SOD2: variants seen among roughly 807,000 people sequenced by gnomAD.
The protein encoded by SOD2 is superoxide dismutase 2, also known as superoxide dismutase [Mn], mitochondrial.
In SOD2, 11 loss-of-function variants were observed where a neutral mutation model predicts 27.0. The observed-to-expected ratio is 0.41, with a 90% CI of 0.26 to 0.67. SOD2 has a LOEUF of 0.67. Ranked by LOEUF, SOD2 falls within the 30% of genes least tolerant of loss-of-function variation. The pLI, the probability that SOD2 is intolerant of heterozygous loss-of-function variation, is 0.34. For missense variants in SOD2, 250 were observed against 274.5 expected (o/e 0.91, Z 0.63); for synonymous variants, 105 against 103.0 (o/e 1.02, Z -0.12).
At chr6:159,689,247 GAC>G (rs1780336030) in intron 2 of SOD2, among the ~76,000 whole-genome samples, 1 of 152,162 alleles carries the variant, frequency 6.6e-6, no homozygotes, top group South Asian at 2.1e-4. Context: ...TCTTCCCCAA[GAC>G]AGTCTCATGC....
At chr6:159,736,785 CCT>C (rs988447686) in intron 1 of SOD2, 23 of 153,390 alleles carry the variant, frequency 1.5e-4, no homozygotes, top group South Asian at 4.1e-4. Flanking sequence ...CAAATCTCCC[CCT>C]GTTGTGCATT....
chr6:159,683,768 G>A (rs909966806), intron 4 of SOD2, among the ~76,000 whole-genome samples: 3 of 152,048 alleles, frequency 2.0e-5, no homozygotes, highest in African/African-American at 4.8e-5. Flanking sequence ...TCTACAGATC[G>A]GTGCTTACAA....
exon 1 of SOD2, chr6:159,761,546 G>T (rs1355849926): frequency 8.8e-6 from 4 of 456,354 alleles, no homozygotes; most frequent in Non-Finnish European, 1.8e-5. Context: ...CGAAGCCGCC[G>T]AGAGCAAAAG....
intron 1 of SOD2, among the ~76,000 whole-genome samples, chr6:159,734,337 A>G (rs1778773440): frequency 6.6e-6 from 1 of 151,062 alleles, no homozygotes; most frequent in Non-Finnish European, 1.5e-5. Context: ...AGATGATGCC[A>G]CAGCACTCCA....
exon 1 of SOD2, chr6:159,761,140 A>G (rs1780115558): frequency 6.2e-6 from 1 of 160,326 alleles, no homozygotes; most frequent in Non-Finnish European, 1.4e-5. Context: ...CTTCAGGAAG[A>G]TTCTCCAGGT....
rs994956221 is a variant in SOD2 at position 159,681,072 on chromosome 6, A to G, written c.*1421T>C. ...ACAAATGAAATATTCAAAAACAGTA[A>G]ATTAGGCAGATGATGAAACAACATG... On this transcript the variant is annotated 3_prime_UTR_variant, in exon 5 of 5. Coordinates refer to ENST00000538183, the MANE Select transcript of SOD2 (RefSeq NM_000636.4). The G allele has an allele frequency of 2.0e-5, 3 of 152,234 alleles. No homozygotes were observed. The highest frequency in any genetic ancestry group is 2.9e-5 in the Non-Finnish European group (2 of 68,052). The allele number at this position is 152,234 out of a possible 1,614,324, so 9.4% of individuals were successfully genotyped here.
intron 3 of SOD2, among the ~76,000 whole-genome samples, chr6:159,685,748 G>A (rs1408923294): frequency 2.0e-5 from 3 of 151,574 alleles, no homozygotes; most frequent in Admixed American, 2.0e-4. Context: ...AGTACTCCAT[G>A]TTTAGCTTCC....
chr6:159,684,260 T>A (rs1562417940), intron 4 of SOD2, among the ~76,000 whole-genome samples: 4 of 152,140 alleles, frequency 2.6e-5, no homozygotes, highest in Non-Finnish European at 5.9e-5. Flanking sequence ...ATTTTTTTTT[T>A]ATTTTAGTAC....
intron 1 of SOD2, chr6:159,712,871 T>C (rs1777855166): frequency 1.6e-6 from 1 of 636,686 alleles, no homozygotes; most frequent in Admixed American, 2.0e-5. Context: ...CAAGAAAAGT[T>C]CTACATAGGT....
upstream of SOD2, chr6:159,748,417 A>G (rs368579812): frequency 4.0e-4 from 638 of 1,602,554 alleles, 1 homozygote; most frequent in Non-Finnish European, 4.5e-4. This position sits in a 1 kb window ranked among gnomAD's most constrained non-coding sequence, Gnocchi z 5.6. Flanking sequence ...CAGTCCCACT[A>G]CGAGAAAGCT....
chr6:159,700,002 C>T (rs1005694448), intron 1 of SOD2, among the ~76,000 whole-genome samples: 1 of 152,222 alleles, frequency 6.6e-6, no homozygotes, highest in African/African-American at 2.4e-5. Flanking sequence ...ACCCTCCTCT[C>T]GTGCCAGCTT....
intron 3 of SOD2, 59 bp downstream of exon 3, chr6:159,688,067 C>A: frequency 1.1e-6 from 1 of 943,662 alleles, no homozygotes; most frequent in South Asian, 1.4e-5. Flanking sequence ...TTCAGTAAAT[C>A]AACAATCGAT....
chr6:159,717,016 C>T (rs143164503), intron 1 of SOD2, among the ~76,000 whole-genome samples: 1 of 152,190 alleles, frequency 6.6e-6, no homozygotes, highest in African/African-American at 2.4e-5. Context: ...ATGCTAAATC[C>T]TTTTCAGAAA....
At chr6:159,755,711 G>A in intron 1 of SOD2, 2 of 1,207,152 alleles carry the variant, frequency 1.7e-6, no homozygotes, top group African/African-American at 1.8e-5. Flanking sequence ...CTTTTTGTGG[G>A]TGTACGTTTT....
chr6:159,742,788 G>A (rs1779338941), intron 1 of SOD2, among the ~76,000 whole-genome samples: 1 of 152,046 alleles, frequency 6.6e-6, no homozygotes, highest in African/African-American at 2.4e-5. Context: ...AGGCACAGTG[G>A]CTCACACCTA....
upstream of SOD2, among the ~76,000 whole-genome samples, chr6:159,730,414 A>G (rs956349281): frequency 6.6e-6 from 1 of 152,088 alleles, no homozygotes; most frequent in Non-Finnish European, 1.5e-5. Flanking sequence ...ATTGACTTTA[A>G]ATTTAGGTTA....
chr6:159,682,452 A>G lies in SOD2; in HGVS notation c.*41T>C. On this transcript the variant is annotated 3_prime_UTR_variant, in exon 5 of 5. Coordinates refer to ENST00000538183, the MANE Select transcript of SOD2 (RefSeq NM_000636.4). The stretch of plus-strand genomic sequence containing the variant: ...CAGTACTCTATACCACTACAAAAAC[A>G]GTCATAAAGAGCTTAACATACTCAG... 4.4e-6 allele frequency: 7 copies of G among 1,588,860 alleles called. No homozygotes were observed. Among genetic ancestry groups the G allele is most frequent in the Non-Finnish European group, 6.0e-6 (7 of 1,166,822 alleles).
intron 1 of SOD2, chr6:159,714,017 T>C (rs1777879493): frequency 5.5e-6 from 4 of 721,674 alleles, no homozygotes; most frequent in African/African-American, 3.5e-5. Flanking sequence ...GGTGGCAAGT[T>C]TGGCGGAATG....
chr6:159,692,387 G>A, intron 2 of SOD2: 1 of 1,361,130 alleles, frequency 7.3e-7, no homozygotes, highest in Non-Finnish European at 9.5e-7. Flanking sequence ...GGCAATATGT[G>A]TAACGGAATG....
Sources: gnomAD v4.1 joint callset for allele counts (sites outside exome capture counted in the v4.1 genomes callset) on GRCh38, gnomAD v4.1.1 for gene constraint, Gnocchi (gnomAD v3.1) non-coding constraint, MANE v1.5 for transcripts, NCBI Gene and HGNC (gene_info 2026-07-23, HGNC 2026-07-21) for gene names.